Variants in CFAP47 observed in about 807,000 individuals in gnomAD.
CFAP47 encodes the protein cilia and flagella associated protein 47, also known as cilia- and flagella-associated protein 47.
Under a neutral mutation model 148.1 loss-of-function variants are expected in CFAP47, and 29 were observed. That is an observed-to-expected ratio of 0.20 (90% CI 0.15 to 0.27). The LOEUF (loss-of-function observed/expected upper bound fraction) is 0.27. CFAP47 is among the 10% of genes least tolerant of loss of function. CFAP47 has a pLI of 1.00. For missense variants in CFAP47, 1,872 were observed against 1,697.5 expected, an observed-to-expected ratio of 1.10 and a Z score of -1.81; for synonymous variants, 664 against 577.3, an observed-to-expected ratio of 1.15 and a Z score of -2.15.
intron 30 of CFAP47, among the ~76,000 whole-genome samples, chrX:36,091,216 G>C (rs1938179564): frequency 9.0e-6 from 1 of 111,162 alleles, no homozygotes; most frequent in African/African-American, 3.3e-5. Flanking sequence ...TTACTCTCTG[G>C]TGGACACTTT....
chrX:36,305,834 A>G (rs1357577998), intron 54 of CFAP47, among the ~76,000 whole-genome samples: 2 of 111,887 alleles, frequency 1.8e-5, no homozygotes, highest in Non-Finnish European at 3.8e-5. Context: ...TAATCCTGAA[A>G]CATTCAAGAT....
chrX:35,957,015 C>G (rs1056867832), intron 8 of CFAP47, among the ~76,000 whole-genome samples: 6 of 109,905 alleles, frequency 5.5e-5, no homozygotes, highest in African/African-American at 2.0e-4. Flanking sequence ...TCAAGACCAT[C>G]CTGGCCGACA....
intron 49 of CFAP47, among the ~76,000 whole-genome samples, chrX:36,253,955 G>A (rs1940720723): frequency 9.0e-6 from 1 of 111,731 alleles, no homozygotes; most frequent in Non-Finnish European, 1.9e-5. Flanking sequence ...GTCCTTTCTG[G>A]TTGGTCAGTA....
intron 36 of CFAP47, among the ~76,000 whole-genome samples, chrX:36,146,961 T>G (rs942865316): frequency 9.0e-6 from 1 of 110,505 alleles, no homozygotes; most frequent in Non-Finnish European, 1.9e-5. Context: ...TTTTGTATTT[T>G]TAGTAGAGAC....
rs143958201 is a variant in CFAP47 at position 36,322,198 on chromosome X, A to T, written c.8443+2891A>T. On this transcript the variant is annotated intron_variant, in intron 57 of 63. Transcript: ENST00000378653. ...ATACTTTTCCCTGCATCTGTATTTC[A>T]GATCTAATGCCAGTGCCATACAGTT... 8.4e-4 allele frequency among the ~76,000 whole-genome samples: 94 copies of T among 111,522 alleles called. 2 individuals carry two copies. In the East Asian group the frequency reaches 0.01, roughly 12 times the overall value.
intron 60 of CFAP47, among the ~76,000 whole-genome samples, chrX:36,361,043 C>A (rs1941823861): frequency 9.0e-6 from 1 of 111,146 alleles, no homozygotes; most frequent in Non-Finnish European, 1.9e-5. Flanking sequence ...TTCCATGTGG[C>A]CTTTCTTGTT....
At chrX:35,940,651 T>G (rs1935992449) in intron 2 of CFAP47, among the ~76,000 whole-genome samples, 1 of 111,114 alleles carries the variant, frequency 9.0e-6, no homozygotes, top group Non-Finnish European at 1.9e-5. Flanking sequence ...TGTCTCTCTT[T>G]TTCTCTCTCC....
chrX:36,344,624 G>A (rs1556016303), intron 57 of CFAP47, among the ~76,000 whole-genome samples: 8 of 111,923 alleles, frequency 7.1e-5, no homozygotes, highest in Non-Finnish European at 5.6e-5. Flanking sequence ...GGTATAAGTA[G>A]TGAGCTACTC....
intron 61 of CFAP47, chrX:36,365,645 T>C (rs1556020138): frequency 1.8e-5 from 2 of 110,126 alleles, no homozygotes; most frequent in Non-Finnish European, 3.8e-5. Context: ...ACCTCCATCC[T>C]CAGGTAGGCC....
intron 51 of CFAP47, among the ~76,000 whole-genome samples, chrX:36,294,242 C>G (rs946890117): frequency 1.8e-4 from 20 of 111,143 alleles, no homozygotes; most frequent in Non-Finnish European, 2.6e-4. Flanking sequence ...GCACCATGAT[C>G]ATAAGAGAGG....
chrX:36,313,808 G>A (rs1941412837), intron 56 of CFAP47, among the ~76,000 whole-genome samples: 1 of 110,910 alleles, frequency 9.0e-6, no homozygotes, highest in African/African-American at 3.3e-5. Context: ...TGCAAATCCT[G>A]GAATGATTTC....
chrX:36,006,131 A>G (rs1936979996), intron 21 of CFAP47, among the ~76,000 whole-genome samples: 1 of 111,169 alleles, frequency 9.0e-6, no homozygotes, highest in South Asian at 3.7e-4. Context: ...AGTATCTTAC[A>G]TGACTTTTTT....
intron 22 of CFAP47, among the ~76,000 whole-genome samples, chrX:36,027,952 C>CT: frequency 9.0e-6 from 1 of 111,377 alleles, no homozygotes; most frequent in Middle Eastern, 4.6e-3. Flanking sequence ...GCATGTTTGT[C>CT]TTTTTTTGAG....
At chrX:36,331,697 A>T (rs1556014127) in intron 57 of CFAP47, among the ~76,000 whole-genome samples, 1 of 111,429 alleles carries the variant, frequency 9.0e-6, no homozygotes, top group Non-Finnish European at 1.9e-5. Flanking sequence ...ACATTAGTAA[A>T]TACTGATAGT....
intron 19 of CFAP47, among the ~76,000 whole-genome samples, chrX:35,998,303 T>C (rs748047183): frequency 9.0e-6 from 1 of 111,433 alleles, no homozygotes; most frequent in East Asian, 2.8e-4. Flanking sequence ...GACAAACACA[T>C]ACACCACTTT....
At chrX:36,372,215 G>A (rs1415844734) in intron 62 of CFAP47, among the ~76,000 whole-genome samples, 1 of 108,932 alleles carries the variant, frequency 9.2e-6, no homozygotes, top group Non-Finnish European at 1.9e-5. Context: ...AAAAATGATG[G>A]CATATAAAGA....
chrX:36,251,858 T>A (rs1180606870), intron 49 of CFAP47, among the ~76,000 whole-genome samples: 2 of 111,246 alleles, frequency 1.8e-5, no homozygotes, highest in African/African-American at 6.5e-5. Context: ...AAGTTAAAGG[T>A]TTGATATATG....
intron 50 of CFAP47, among the ~76,000 whole-genome samples, chrX:36,283,314 C>T (rs1941099460): frequency 9.0e-6 from 1 of 111,395 alleles, no homozygotes; most frequent in African/African-American, 3.3e-5. Context: ...ATAAATCATT[C>T]ACCAATCCCA....
intron 49 of CFAP47, among the ~76,000 whole-genome samples, chrX:36,272,216 A>G (rs1476900120): frequency 2.7e-5 from 3 of 112,042 alleles, no homozygotes; most frequent in Non-Finnish European, 5.6e-5. Flanking sequence ...TGTAACAGGT[A>G]AAACATGGCT....
Sources: allele counts gnomAD v4.1 joint callset (sites outside exome capture counted in the v4.1 genomes callset), GRCh38; gene constraint gnomAD v4.1.1; transcripts MANE v1.5; gene names NCBI Gene and HGNC (gene_info 2026-07-23, HGNC 2026-07-21).